The following SLC35A1 variants were observed in gnomAD, a reference collection of about 807,000 sequenced individuals.
SLC35A1 encodes solute carrier family 35 member A1, also known as CMP-sialic acid transporter.
A neutral mutation model predicts 40.3 loss-of-function variants in SLC35A1; 21 were observed. The observed-to-expected ratio is 0.52, with a 90% CI of 0.37 to 0.75. The LOEUF (loss-of-function observed/expected upper bound fraction) is 0.75, where lower values mean the gene tolerates loss of function less well. Among genes scored for constraint, SLC35A1 ranks in the 30% least tolerant of loss-of-function variants. The probability of loss-of-function intolerance (pLI) is 0.00; values close to 1 mark genes in which losing one functional copy is unlikely to be tolerated. For synonymous variants in SLC35A1, 146 were observed against 147.3 expected, an observed-to-expected ratio of 0.99 and a Z score of 0.06; for missense variants, 297 against 382.1, an observed-to-expected ratio of 0.78 and a Z score of 1.86.
intron 1 of SLC35A1, among the ~76,000 whole-genome samples, chr6:87,476,975 C>T (rs758905914): frequency 5.3e-5 from 8 of 151,910 alleles, no homozygotes; most frequent in East Asian, 1.9e-4. Flanking sequence ...GCTGAGATCG[C>T]GCCACTGTAT....
chr6:87,477,746 C>G (rs1436919819), intron 2 of SLC35A1, among the ~76,000 whole-genome samples: 1 of 152,146 alleles, frequency 6.6e-6, no homozygotes, highest in African/African-American at 2.4e-5. Context: ...AAGGATGCTG[C>G]TAAACATCCT....
chr6:87,475,040 A>T (rs1247077214), intron 1 of SLC35A1, among the ~76,000 whole-genome samples: 2 of 152,168 alleles, frequency 1.3e-5, no homozygotes, highest in Admixed American at 1.3e-4. Context: ...TTATTTATGA[A>T]AGTGTTGATA....
intron 1 of SLC35A1, among the ~76,000 whole-genome samples, chr6:87,476,267 A>G (rs542394195): frequency 2.0e-5 from 3 of 152,328 alleles, no homozygotes; most frequent in African/African-American, 7.2e-5. Flanking sequence ...ATGCAATGAA[A>G]TGAGTGGCTA....
intron 2 of SLC35A1, among the ~76,000 whole-genome samples, chr6:87,489,365 A>C (rs892312959): frequency 2.0e-5 from 3 of 151,782 alleles, no homozygotes; most frequent in African/African-American, 7.3e-5. Context: ...TTCTTGCAGG[A>C]ATTGATTATT....
chr6:87,499,202 C>G, intron 2 of SLC35A1: 1 of 761,184 alleles, frequency 1.3e-6, no homozygotes, highest in Non-Finnish European at 1.6e-6. Context: ...TTTGCTTTCT[C>G]TCAGAACTTG....
rs528435979 is a variant in SLC35A1, at chr6:87,492,831, C to T, written c.195-7677C>T. Among the ~76,000 whole-genome samples the T allele has an allele frequency of 8.5e-5, 13 of 152,128 alleles. No individual in the cohort carries two copies. In the East Asian group the frequency reaches 2.1e-3, roughly 25 times the overall value. On this transcript the variant is annotated intron_variant, in intron 2 of 7. Transcript: ENST00000369552. Reference sequence around the variant, plus strand: ...TCCCAAAGTGCTGAGATTACAGGTGCGAGCCACCACACCTGGCCTAATCCT... The same window carrying T: ...TCCCAAAGTGCTGAGATTACAGGTGTGAGCCACCACACCTGGCCTAATCCT...
chr6:87,491,206 A>G (rs1357063977), intron 2 of SLC35A1, among the ~76,000 whole-genome samples: 1 of 152,214 alleles, frequency 6.6e-6, no homozygotes, highest in East Asian at 1.9e-4. Flanking sequence ...AAATCTGAAA[A>G]CCTGAAATCC....
chr6:87,483,937 G>A (rs769952061), intron 2 of SLC35A1, among the ~76,000 whole-genome samples: 6 of 152,174 alleles, frequency 3.9e-5, no homozygotes, highest in Non-Finnish European at 5.9e-5. Context: ...CAGAGAGGAC[G>A]CACTCACTCC....
chr6:87,476,544 G>A (rs1355300976), intron 1 of SLC35A1, among the ~76,000 whole-genome samples: 2 of 152,130 alleles, frequency 1.3e-5, no homozygotes, highest in African/African-American at 4.8e-5. Flanking sequence ...GGCCAACATG[G>A]TGAAACCTCT....
At chr6:87,494,975 A>G (rs968171636) in intron 2 of SLC35A1, among the ~76,000 whole-genome samples, 4 of 151,384 alleles carry the variant, frequency 2.6e-5, no homozygotes, top group Non-Finnish European at 5.9e-5. Flanking sequence ...AACAAAGTCA[A>G]CTTTTTTTTT....
chr6:87,500,555 T>C lies in SLC35A1; in HGVS notation c.242T>C (p.Val81Ala). 3 of 1,614,130 alleles carry C rather than the reference T, an allele frequency of 1.9e-6. No individual in the cohort carries two copies. The highest frequency in any genetic ancestry group is 2.5e-6 in the Non-Finnish European group (3 of 1,179,984). ...GRFKASLRENVLGSPKELLKL... is the reference protein window; with the variant it reads ...GRFKASLRENALGSPKELLKL... ...TTCAAAGCATCTTTAAGAGAAAATG[T>C]CTTGGGGAGCCCCAAGGAACTGTTG... Residue 81 changes from valine (V) to alanine (A), a missense_variant, in exon 3 of 8, where the codon GTC (valine) becomes GCC (alanine). By Grantham distance (64) the Val-to-Ala change is moderately conservative. Coordinates refer to ENST00000369552, the MANE Select transcript of SLC35A1 (RefSeq NM_006416.5).
chr6:87,505,651 A>G (rs944299798), intron 4 of SLC35A1, among the ~76,000 whole-genome samples: 3 of 152,176 alleles, frequency 2.0e-5, no homozygotes, highest in African/African-American at 7.2e-5. Flanking sequence ...GGCTCATTCT[A>G]TGGCAGAAGG....
intron 7 of SLC35A1, among the ~76,000 whole-genome samples, chr6:87,509,436 T>G (rs1228142348): frequency 6.6e-6 from 1 of 152,206 alleles, no homozygotes; most frequent in Non-Finnish European, 1.5e-5. Context: ...TTTTTTGCAG[T>G]CAAGGCCTCC....
chr6:87,491,333 T>C (rs1028193506), intron 2 of SLC35A1, among the ~76,000 whole-genome samples: 28 of 152,226 alleles, frequency 1.8e-4, no homozygotes, highest in Non-Finnish European at 2.5e-4. Context: ...TTTATCTTCA[T>C]TTTGGCTGAA....
intron 2 of SLC35A1, among the ~76,000 whole-genome samples, chr6:87,498,069 C>A (rs1288715662): frequency 6.6e-6 from 1 of 152,084 alleles, no homozygotes; most frequent in South Asian, 2.1e-4. Context: ...AGTGGCATTG[C>A]CCATAGCTGG....
At chr6:87,503,978 C>T (rs1337276445) in intron 4 of SLC35A1, among the ~76,000 whole-genome samples, 1 of 152,166 alleles carries the variant, frequency 6.6e-6, no homozygotes. Context: ...TAAATACTAG[C>T]ATTATCTAAA....
chr6:87,490,211 A>G (rs1769507546), intron 2 of SLC35A1, among the ~76,000 whole-genome samples: 1 of 152,076 alleles, frequency 6.6e-6, no homozygotes, highest in Non-Finnish European at 1.5e-5. Context: ...CTTGGGGGAT[A>G]AAGTGAGCTC....
intron 7 of SLC35A1, among the ~76,000 whole-genome samples, chr6:87,510,755 C>T (rs1235415664): frequency 4.0e-5 from 6 of 151,850 alleles, no homozygotes; most frequent in African/African-American, 1.2e-4. Flanking sequence ...ATGCTCCTCC[C>T]GGCTACTCGA....
chr6:87,478,854 G>A (rs1769161803), intron 2 of SLC35A1, among the ~76,000 whole-genome samples: 1 of 152,180 alleles, frequency 6.6e-6, no homozygotes, highest in African/African-American at 2.4e-5. Context: ...CTCACAGATG[G>A]AGCAATGGTG....
Sources: gnomAD v4.1 joint callset for allele counts (sites outside exome capture counted in the v4.1 genomes callset) on GRCh38, gnomAD v4.1.1 for gene constraint, MANE v1.5 for transcripts, NCBI Gene and HGNC (gene_info 2026-07-23, HGNC 2026-07-21) for gene names.